The following NRXN3 variants were observed in gnomAD, a reference collection of about 807,000 sequenced individuals.
The protein encoded by NRXN3 is neurexin III.
In NRXN3, 32 loss-of-function variants were observed where a neutral mutation model predicts 137.6. That is an observed-to-expected ratio of 0.23 (90% CI 0.18 to 0.31). The LOEUF is 0.31. Ranked by LOEUF, NRXN3 falls within the 10% of genes least tolerant of loss-of-function variation. The pLI is 1.00. For missense variants in NRXN3, 1,574 were observed against 2,062.5 expected, an observed-to-expected ratio of 0.76 and a Z score of 4.59; for synonymous variants, 798 against 784.5, an observed-to-expected ratio of 1.02 and a Z score of -0.29.
At chr14:79,326,341 A>G (rs1038724975) in intron 15 of NRXN3, among the ~76,000 whole-genome samples, 1 of 152,160 alleles carries the variant, frequency 6.6e-6, no homozygotes, top group Non-Finnish European at 1.5e-5. Flanking sequence ...TGGACTAGAT[A>G]TATGTGTATA....
intron 10 of NRXN3, among the ~76,000 whole-genome samples, chr14:78,943,437 C>T (rs946694494): frequency 2.7e-5 from 4 of 150,064 alleles, no homozygotes; most frequent in African/African-American, 9.8e-5. Context: ...TCTGTGAAGT[C>T]TGGGGGGAGA....
chr14:78,184,402 G>A (rs549358209), intron 1 of NRXN3, among the ~76,000 whole-genome samples: 1 of 152,314 alleles, frequency 6.6e-6, no homozygotes, highest in African/African-American at 2.4e-5. Context: ...TAATGAGGCA[G>A]TTGGCAAATT....
At chr14:79,048,636 T>A (rs200262098) in intron 15 of NRXN3, among the ~76,000 whole-genome samples, 3 of 133,482 alleles carry the variant, frequency 2.2e-5, no homozygotes, top group South Asian at 4.9e-4. Flanking sequence ...TTTTTTTTTT[T>A]ATTTTTTGCT....
intron 16 of NRXN3, among the ~76,000 whole-genome samples, chr14:79,613,480 T>G (rs2098124818): frequency 6.6e-6 from 1 of 152,234 alleles, no homozygotes; most frequent in Non-Finnish European, 1.5e-5. Flanking sequence ...ACCCTGTCCT[T>G]GTTTTGCATT....
intron 4 of NRXN3, among the ~76,000 whole-genome samples, chr14:78,598,869 G>GT (rs959248583): frequency 2.9e-4 from 44 of 152,300 alleles, no homozygotes; most frequent in African/African-American, 1.0e-3. Context: ...AAACTGGAAG[G>GT]TGGGTCTAGG....
intron 15 of NRXN3, among the ~76,000 whole-genome samples, chr14:79,158,099 A>C (rs1235921616): frequency 1.3e-5 from 2 of 151,652 alleles, no homozygotes; most frequent in Non-Finnish European, 2.9e-5. Flanking sequence ...TTGTATTTTT[A>C]ACTTCTTGCT....
At chr14:78,990,891 C>T (rs1293011741) in intron 15 of NRXN3, among the ~76,000 whole-genome samples, 9 of 152,192 alleles carry the variant, frequency 5.9e-5, no homozygotes, top group Admixed American at 5.2e-4. Flanking sequence ...AAAAAGCAGT[C>T]TCACTATATC....
intron 15 of NRXN3, among the ~76,000 whole-genome samples, chr14:79,302,845 C>T (rs1287842907): frequency 6.6e-6 from 1 of 151,990 alleles, no homozygotes; most frequent in East Asian, 1.9e-4. Context: ...TACCTCATTT[C>T]TTTATAAATT....
At chr14:78,589,550 G>T (rs944218794) in intron 4 of NRXN3, among the ~76,000 whole-genome samples, 1 of 152,104 alleles carries the variant, frequency 6.6e-6, no homozygotes, top group African/African-American at 2.4e-5. Context: ...TGCCTCTGGC[G>T]GTCTCTTGCA....
Position 78,342,014 on chromosome 14 carries a change from C to T in NRXN3, c.757+44154C>T, listed in dbSNP as rs570563336. ...TGCCAATGTCAATAACTAAAATACT[C>T]ATGTTACTGAAAGGTATTTAGGTGT... On this transcript the variant is annotated intron_variant, in intron 4 of 20. Transcript: ENST00000335750. 3.3e-5 allele frequency among the ~76,000 whole-genome samples: 5 copies of T among 152,274 alleles called. No individual in the cohort carries two copies. In the Middle Eastern group the frequency reaches 0.014, roughly 414 times the overall value.
chr14:79,326,873 T>C (rs919748943), intron 15 of NRXN3, among the ~76,000 whole-genome samples: 4 of 152,194 alleles, frequency 2.6e-5, no homozygotes, highest in Non-Finnish European at 4.4e-5. Context: ...TTTTGCCTTA[T>C]TTACAAACTG....
chr14:79,477,685 C>T (rs1194042929), intron 16 of NRXN3, among the ~76,000 whole-genome samples: 1 of 151,976 alleles, frequency 6.6e-6, no homozygotes, highest in Non-Finnish European at 1.5e-5. Flanking sequence ...TATTTTGGCT[C>T]TGTTAAAAGA....
At chr14:78,802,931 G>A (rs1030191892) in intron 8 of NRXN3, among the ~76,000 whole-genome samples, 19 of 152,098 alleles carry the variant, frequency 1.2e-4, no homozygotes, top group Non-Finnish European at 2.4e-4. Flanking sequence ...AGGCAACAGA[G>A]TGAGACTGTC....
intron 6 of NRXN3, among the ~76,000 whole-genome samples, chr14:78,705,849 A>T (rs1022032555): frequency 1.3e-5 from 2 of 152,118 alleles, no homozygotes; most frequent in Non-Finnish European, 1.5e-5. Flanking sequence ...TAGATAGAGC[A>T]CTCACCCTCA....
intron 4 of NRXN3, among the ~76,000 whole-genome samples, chr14:78,495,481 A>G (rs1483444628): frequency 4.6e-5 from 7 of 152,162 alleles, no homozygotes; most frequent in Non-Finnish European, 1.0e-4. Context: ...AACACACACT[A>G]TGTGCCAGGC....
At chr14:78,908,698 T>G (rs759358446) in intron 10 of NRXN3, among the ~76,000 whole-genome samples, 7 of 152,028 alleles carry the variant, frequency 4.6e-5, no homozygotes, top group Non-Finnish European at 1.0e-4. Context: ...CTAAGAAGGA[T>G]AAGACATTGG....
At chr14:79,303,368 C>T (rs2085470604) in intron 15 of NRXN3, among the ~76,000 whole-genome samples, 1 of 152,062 alleles carries the variant, frequency 6.6e-6, no homozygotes, top group African/African-American at 2.4e-5. Flanking sequence ...ACTAGGCCAT[C>T]TTGTGATTCT....
At chr14:79,652,716 C>A (rs1321819416) in intron 16 of NRXN3, among the ~76,000 whole-genome samples, 1 of 152,028 alleles carries the variant, frequency 6.6e-6, no homozygotes, top group Non-Finnish European at 1.5e-5. Context: ...GTCACCTTTA[C>A]TAATTTCATC....
At chr14:79,234,732 A>G (rs544349166) in intron 15 of NRXN3, among the ~76,000 whole-genome samples, 2 of 152,084 alleles carry the variant, frequency 1.3e-5, no homozygotes, top group African/African-American at 2.4e-5. Context: ...AGCAAATTAA[A>G]TGTTCTGTGA....
Sources: gnomAD v4.1 joint callset for allele counts (sites outside exome capture counted in the v4.1 genomes callset) on GRCh38, gnomAD v4.1.1 for gene constraint, MANE v1.5 for transcripts, NCBI Gene and HGNC (gene_info 2026-07-23, HGNC 2026-07-21) for gene names.